The following NRIP1 variants were observed in gnomAD, a reference collection of about 807,000 sequenced individuals.
The protein encoded by NRIP1 is nuclear receptor-interacting protein 1.
A neutral mutation model predicts 75.0 loss-of-function variants in NRIP1; 28 were observed. The observed-to-expected ratio is 0.37, with a 90% CI of 0.28 to 0.51. The LOEUF (loss-of-function observed/expected upper bound fraction) is 0.51. NRIP1 is among the 20% of genes least tolerant of loss of function. The probability of loss-of-function intolerance (pLI) is 0.92; values close to 1 mark genes in which losing one functional copy is unlikely to be tolerated. For synonymous variants in NRIP1, 526 were observed against 487.6 expected (o/e 1.08, Z -1.04); for missense variants, 1,435 against 1,343.7 (o/e 1.07, Z -1.06).
intron 1 of NRIP1, among the ~76,000 whole-genome samples, chr21:15,063,627 T>A (rs147366206): frequency 6.6e-6 from 1 of 152,200 alleles, no homozygotes; most frequent in South Asian, 2.1e-4. Flanking sequence ...CACCTACAGA[T>A]GGCTTCTCTT....
At chr21:15,057,436 C>T (rs879294890) in intron 1 of NRIP1, among the ~76,000 whole-genome samples, 1 of 152,212 alleles carries the variant, frequency 6.6e-6, no homozygotes, top group African/African-American at 2.4e-5. Flanking sequence ...GCCTGTGCGG[C>T]AGCCCTTGGT....
intron 3 of NRIP1, among the ~76,000 whole-genome samples, chr21:15,009,415 A>T (rs2088049835): frequency 6.6e-6 from 1 of 152,256 alleles, no homozygotes; most frequent in African/African-American, 2.4e-5. Flanking sequence ...GGGAAAAAAC[A>T]GATCAACAAC....
At chr21:15,022,831 C>G (rs2088411335) in intron 2 of NRIP1, among the ~76,000 whole-genome samples, 1 of 152,166 alleles carries the variant, frequency 6.6e-6, no homozygotes. Context: ...AAATAAAAAC[C>G]TGATGTCCAT....
At chr21:15,030,761 C>T (rs2088626127) in intron 2 of NRIP1, among the ~76,000 whole-genome samples, 1 of 152,156 alleles carries the variant, frequency 6.6e-6, no homozygotes, top group African/African-American at 2.4e-5. Context: ...GGTCCCAAGG[C>T]CAAATAAATT....
chr21:14,964,931 C>T lies in NRIP1; in HGVS notation c.3262G>A (p.Asp1088Asn). The T allele has an allele frequency of 6.2e-7, 1 of 1,613,772 alleles. No individual in the cohort carries two copies. Among genetic ancestry groups the T allele is most frequent in the African/African-American group, 1.3e-5 (1 of 74,996 alleles). Residue 1088 changes from aspartate to asparagine, a missense_variant, in exon 4 of 4, where the codon GAC becomes AAC. By Grantham distance (23) the Asp-to-Asn change is conservative. Coordinates refer to ENST00000318948, the MANE Select transcript of NRIP1 (RefSeq NM_003489.4). ...SVTSRETQDK[D>N]IWREASSAES... ...GCAGATGAAGCCTCCCTCCAAATGTCCTTGTCTTGTGTTTCTCGACTGGTA... is the reference window on the plus strand; with the variant it reads ...GCAGATGAAGCCTCCCTCCAAATGTTCTTGTCTTGTGTTTCTCGACTGGTA...
At chr21:15,056,516 T>A (rs776824834) in intron 1 of NRIP1, among the ~76,000 whole-genome samples, 104 of 152,190 alleles carry the variant, frequency 6.8e-4, no homozygotes, top group Non-Finnish European at 1.1e-3. Flanking sequence ...CATTTTTTTT[T>A]AAAAAGCATG....
chr21:14,971,607 T>C (rs549050543), intron 3 of NRIP1: 2 of 150,672 alleles, frequency 1.3e-5, no homozygotes, highest in African/African-American at 4.8e-5. Context: ...ACATCTCTAA[T>C]AATAAAAATA....
chr21:15,051,135 G>A, intron 1 of NRIP1: 3 of 343,466 alleles, frequency 8.7e-6, no homozygotes, highest in Non-Finnish European at 1.7e-5. Flanking sequence ...GACCAACACT[G>A]GGGCTTTCTC....
Position 15,014,327 on chromosome 21 carries a change from G to GA in NRIP1, c.-335+16dup. ...TAATGATTAAGCCTTAAGAACTCAG[G>GA]AAAAAAATATTCTCACCGTCTGTCT... is the stretch of plus-strand genomic sequence containing the variant. On this transcript the variant is annotated intron_variant, in intron 3 of 3. Coordinates refer to ENST00000318948, the MANE Select transcript of NRIP1 (RefSeq NM_003489.4). The GA allele has an allele frequency of 2.5e-6, 1 of 396,938 alleles. No individual in the cohort carries two copies. The highest frequency in any genetic ancestry group is 4.4e-6 in the Non-Finnish European group (1 of 225,168). The allele number at this position is 396,938 out of a possible 1,614,324, so 24.6% of individuals were successfully genotyped here.
At chr21:14,999,974 T>G (rs1435096144) in intron 3 of NRIP1, among the ~76,000 whole-genome samples, 1 of 152,234 alleles carries the variant, frequency 6.6e-6, no homozygotes. Context: ...ATAATGTACC[T>G]AAACTGACAA....
intron 1 of NRIP1, among the ~76,000 whole-genome samples, chr21:15,044,048 A>C (rs2089017314): frequency 6.6e-6 from 1 of 151,990 alleles, no homozygotes; most frequent in Admixed American, 6.6e-5. Context: ...CAAACTCCTG[A>C]CCTCAGGTGA....
chr21:14,977,729 A>G (rs2146993938), intron 3 of NRIP1, among the ~76,000 whole-genome samples: 1 of 152,344 alleles, frequency 6.6e-6, no homozygotes. Flanking sequence ...ATGAATCAAA[A>G]TTAATATATG....
intron 2 of NRIP1, 147 bp from the exon 3 acceptor site, chr21:15,014,613 T>G: frequency 2.5e-6 from 1 of 395,398 alleles, no homozygotes; most frequent in East Asian, 3.6e-5. Context: ...CAATTGTTTA[T>G]GAATGCTGGT....
chr21:15,024,088 C>G (rs1456658126), intron 2 of NRIP1, among the ~76,000 whole-genome samples: 1 of 152,140 alleles, frequency 6.6e-6, no homozygotes, highest in Non-Finnish European at 1.5e-5. Context: ...AAGAGGATAT[C>G]TTTATGATCT....
intron 3 of NRIP1, among the ~76,000 whole-genome samples, chr21:15,000,251 C>A (rs2087820597): frequency 6.6e-6 from 1 of 152,132 alleles, no homozygotes; most frequent in South Asian, 2.1e-4. Context: ...ACCATGAACA[C>A]TGCACAGATT....
rs561382011 is a variant in NRIP1, at chr21:14,976,198, C to A, written c.-334-7672G>T. ...AAAATTGTTTATAAGCATAAAAATC[C>A]TTTAAAGTTTATAAAGTTAAGATTT... On this transcript the variant is annotated intron_variant, in intron 3 of 3. Coordinates refer to ENST00000318948, the MANE Select transcript of NRIP1 (RefSeq NM_003489.4). Among the ~76,000 whole-genome samples, 13 of 152,020 alleles carry A rather than the reference C, an allele frequency of 8.6e-5. No homozygotes were observed. In the South Asian group the frequency reaches 2.7e-3, roughly 32 times the overall value.
intron 3 of NRIP1, among the ~76,000 whole-genome samples, chr21:15,010,138 A>G (rs548214402): frequency 3.9e-5 from 6 of 152,346 alleles, no homozygotes; most frequent in Non-Finnish European, 7.4e-5. Context: ...GAATGAAGAA[A>G]TTCTAGTTAT....
intron 3 of NRIP1, among the ~76,000 whole-genome samples, chr21:14,981,207 A>T (rs2087223276): frequency 1.3e-5 from 2 of 152,238 alleles, no homozygotes; most frequent in South Asian, 4.1e-4. Flanking sequence ...ATGTCTGTCA[A>T]CTTGGAAAAT....
intron 3 of NRIP1, among the ~76,000 whole-genome samples, chr21:14,993,557 A>G (rs1235692186): frequency 6.6e-6 from 1 of 152,176 alleles, no homozygotes; most frequent in Non-Finnish European, 1.5e-5. Flanking sequence ...TTAATGGAGC[A>G]GTTATGAAAA....
Sources: gnomAD v4.1 joint callset for allele counts (sites outside exome capture counted in the v4.1 genomes callset) on GRCh38, gnomAD v4.1.1 for gene constraint, MANE v1.5 for transcripts, NCBI Gene and HGNC (gene_info 2026-07-23, HGNC 2026-07-21) for gene names.